Variants in KCNIP4 observed in about 807,000 individuals in gnomAD.
The protein encoded by KCNIP4 is Kv channel-interacting protein 4.
In KCNIP4, 12 loss-of-function variants were observed where a neutral mutation model predicts 34.0. The observed-to-expected ratio is 0.35, with a 90% CI of 0.23 to 0.57. KCNIP4 has a LOEUF of 0.57. Ranked by LOEUF, KCNIP4 falls within the 20% of genes least tolerant of loss-of-function variation. The pLI is 0.83. For missense variants in KCNIP4, 238 were observed against 311.7 expected (o/e 0.76, Z 1.78); for synonymous variants, 124 against 102.2 (o/e 1.21, Z -1.29).
chr4:21,699,485 G>C (rs1253660205), intron 1 of KCNIP4, among the ~76,000 whole-genome samples: 1 of 152,184 alleles, frequency 6.6e-6, no homozygotes, highest in Non-Finnish European at 1.5e-5. Flanking sequence ...TGGCAGAATA[G>C]AAAGTGAGTA....
At chr4:21,247,916 C>T (rs978154498) in intron 1 of KCNIP4, among the ~76,000 whole-genome samples, 2 of 135,976 alleles carry the variant, frequency 1.5e-5, no homozygotes, top group Non-Finnish European at 3.1e-5. Flanking sequence ...TATACACACA[C>T]ACACATATAT....
intron 1 of KCNIP4, among the ~76,000 whole-genome samples, chr4:21,426,401 T>G (rs552115867): frequency 6.6e-6 from 1 of 152,326 alleles, no homozygotes; most frequent in South Asian, 2.1e-4. Flanking sequence ...ATAACAATAT[T>G]ATGACATGTA....
intron 1 of KCNIP4, among the ~76,000 whole-genome samples, chr4:20,907,728 T>C (rs1225454083): frequency 1.3e-5 from 2 of 152,172 alleles, no homozygotes; most frequent in Non-Finnish European, 2.9e-5. Flanking sequence ...TTTTTATTTT[T>C]TTTCTTTGAG....
At chr4:20,814,361 G>T (rs1716132061) in intron 3 of KCNIP4, among the ~76,000 whole-genome samples, 1 of 152,160 alleles carries the variant, frequency 6.6e-6, no homozygotes, top group Non-Finnish European at 1.5e-5. Context: ...TGCTGGATGT[G>T]GGGTTCTTAA....
chr4:21,079,532 T>C (rs1332613450), intron 1 of KCNIP4, among the ~76,000 whole-genome samples: 1 of 151,990 alleles, frequency 6.6e-6, no homozygotes, highest in African/African-American at 2.4e-5. Flanking sequence ...TTTCTCTTAA[T>C]AGCTCCTTCT....
At chr4:21,805,187 G>C (rs1461378808) in intron 1 of KCNIP4, among the ~76,000 whole-genome samples, 1 of 152,180 alleles carries the variant, frequency 6.6e-6, no homozygotes, top group Non-Finnish European at 1.5e-5. Flanking sequence ...GGACTTCATG[G>C]TATGTAAATT....
At chr4:20,742,394 G>A (rs967766759) in intron 5 of KCNIP4, among the ~76,000 whole-genome samples, 1 of 152,114 alleles carries the variant, frequency 6.6e-6, no homozygotes, top group African/African-American at 2.4e-5. Flanking sequence ...TCATCCCTGG[G>A]ATGCAAGGCT....
chr4:21,910,010 A>G (rs1728215290), intron 1 of KCNIP4, among the ~76,000 whole-genome samples: 1 of 152,078 alleles, frequency 6.6e-6, no homozygotes, highest in South Asian at 2.1e-4. Context: ...GACACAGCCA[A>G]ACCATATCAC....
intron 1 of KCNIP4, among the ~76,000 whole-genome samples, chr4:20,916,916 C>G (rs1728866155): frequency 6.8e-6 from 1 of 146,408 alleles, no homozygotes; most frequent in African/African-American, 2.5e-5. Flanking sequence ...TTTTCCTTAC[C>G]TCCCCTCCTG....
chr4:21,453,492 G>T (rs1200390587), intron 1 of KCNIP4, among the ~76,000 whole-genome samples: 1 of 151,884 alleles, frequency 6.6e-6, no homozygotes, highest in Non-Finnish European at 1.5e-5. Context: ...CCCCATCTAG[G>T]CTTATTAAAA....
chr4:21,435,940 G>A (rs779277909), intron 1 of KCNIP4, among the ~76,000 whole-genome samples: 6 of 152,030 alleles, frequency 3.9e-5, no homozygotes, highest in Non-Finnish European at 8.8e-5. Flanking sequence ...GAACAGATTC[G>A]AGACACACTA....
intron 1 of KCNIP4, among the ~76,000 whole-genome samples, chr4:21,598,158 AAC>A (rs1742805755): frequency 1.3e-5 from 2 of 152,142 alleles, no homozygotes; most frequent in African/African-American, 4.8e-5. Context: ...TTTATGCATA[AAC>A]AGTGTTGCAA....
At chr4:20,914,414 G>A (rs763093994) in intron 1 of KCNIP4, among the ~76,000 whole-genome samples, 10 of 151,984 alleles carry the variant, frequency 6.6e-5, no homozygotes, top group Admixed American at 2.0e-4. Context: ...GAGAGCTCCC[G>A]CATCCCTTTT....
chr4:21,454,488 T>C (rs1728762594), intron 1 of KCNIP4, among the ~76,000 whole-genome samples: 1 of 152,154 alleles, frequency 6.6e-6, no homozygotes, highest in Non-Finnish European at 1.5e-5. Flanking sequence ...TCCTGATTCA[T>C]CATCTTGACT....
chr4:21,339,017 G>A (rs1453303258), intron 1 of KCNIP4, among the ~76,000 whole-genome samples: 1 of 152,206 alleles, frequency 6.6e-6, no homozygotes, highest in East Asian at 1.9e-4. Context: ...AAACACCACC[G>A]AGCTTATGTT....
At chr4:20,826,273 A>C (rs1717746501) in intron 3 of KCNIP4, among the ~76,000 whole-genome samples, 2 of 152,188 alleles carry the variant, frequency 1.3e-5, no homozygotes, top group South Asian at 4.1e-4. Context: ...GAAAGTGAGC[A>C]GTTTAAGATA....
intron 1 of KCNIP4, among the ~76,000 whole-genome samples, chr4:21,401,170 G>A (rs1398441038): frequency 1.3e-5 from 2 of 152,056 alleles, no homozygotes; most frequent in African/African-American, 4.8e-5. Flanking sequence ...TAGAATCCAA[G>A]CTTCCTCACC....
At chr4:21,011,468 C>T (rs1042244944) in intron 1 of KCNIP4, among the ~76,000 whole-genome samples, 2 of 152,134 alleles carry the variant, frequency 1.3e-5, no homozygotes, top group Admixed American at 1.3e-4. Flanking sequence ...TATTTCCAGC[C>T]AACTTTGGAA....
intron 1 of KCNIP4, among the ~76,000 whole-genome samples, chr4:21,523,751 T>C (rs1442195680): frequency 6.6e-6 from 1 of 151,882 alleles, no homozygotes; most frequent in East Asian, 1.9e-4. Flanking sequence ...TTTTTATTAA[T>C]ATTTTCAGAC....
Sources: gnomAD v4.1 joint callset for allele counts (sites outside exome capture counted in the v4.1 genomes callset) on GRCh38, gnomAD v4.1.1 for gene constraint, MANE v1.5 for transcripts, NCBI Gene and HGNC (gene_info 2026-07-23, HGNC 2026-07-21) for gene names.